ITGBL1: variants seen among roughly 807,000 people sequenced by gnomAD.
ITGBL1 encodes integrin beta-like protein 1.
ITGBL1 carries 51 observed loss-of-function variants against 68.5 expected under a neutral mutation model. The ratio of observed to expected loss-of-function variants is 0.74; its 90% CI spans 0.59 to 0.94. The LOEUF is 0.94. ITGBL1 is among the 40% of genes least tolerant of loss of function. The probability of loss-of-function intolerance (pLI) is 0.00; values close to 1 mark genes in which losing one functional copy is unlikely to be tolerated. For missense variants in ITGBL1, 649 were observed against 647.4 expected (o/e 1.00, Z -0.03); for synonymous variants, 209 against 227.3 (o/e 0.92, Z 0.72).
chr13:101,645,754 G>A (rs1220147550), intron 7 of ITGBL1, among the ~76,000 whole-genome samples: 2 of 152,148 alleles, frequency 1.3e-5, no homozygotes, highest in East Asian at 3.9e-4. Flanking sequence ...TTCATGCCCC[G>A]CAACTGCCTC....
chr13:101,471,104 C>T (rs1271803442), intron 2 of ITGBL1, among the ~76,000 whole-genome samples: 2 of 152,186 alleles, frequency 1.3e-5, no homozygotes, highest in African/African-American at 4.8e-5. Context: ...TGAATTATCA[C>T]ATGCATTATT....
At chr13:101,689,490 A>G (rs1169520618) in intron 7 of ITGBL1, among the ~76,000 whole-genome samples, 1 of 152,080 alleles carries the variant, frequency 6.6e-6, no homozygotes, top group African/African-American at 2.4e-5. Flanking sequence ...CTGTAGTCCC[A>G]ACTGCTCAGG....
At chr13:101,601,339 A>G (rs1450970484) in intron 7 of ITGBL1, among the ~76,000 whole-genome samples, 8 of 152,152 alleles carry the variant, frequency 5.3e-5, no homozygotes, top group African/African-American at 1.9e-4. Context: ...CTTCTTTATT[A>G]GTCTTGCTAC....
At chr13:101,692,264 T>A (rs1333472983) in intron 7 of ITGBL1, among the ~76,000 whole-genome samples, 1 of 152,178 alleles carries the variant, frequency 6.6e-6, no homozygotes, top group Non-Finnish European at 1.5e-5. Context: ...CAAGGAATCA[T>A]CAGGATAAGT....
intron 2 of ITGBL1, among the ~76,000 whole-genome samples, chr13:101,539,085 G>A (rs923450166): frequency 6.5e-5 from 9 of 139,212 alleles, no homozygotes; most frequent in African/African-American, 2.1e-4. Flanking sequence ...AAGTTTTAGG[G>A]TACATGTGCA....
intron 6 of ITGBL1, among the ~76,000 whole-genome samples, chr13:101,586,468 C>A (rs1008043313): frequency 3.9e-5 from 6 of 152,066 alleles, no homozygotes; most frequent in African/African-American, 1.4e-4. Context: ...TCTATTGGAC[C>A]CTTGCTGAGT....
chr13:101,696,659 G>T lies in ITGBL1; in HGVS notation c.1132+3958G>T, dbSNP rs577212691. ...CTACTTCCTCTATACCGCACCACCT[G>T]CATCGTAGTGTGATGAAGTTGTATT... On this transcript the variant is annotated intron_variant, in intron 8 of 10. Transcript: ENST00000376180. Among the ~76,000 whole-genome samples the T allele has an allele frequency of 2.0e-5, 3 of 152,182 alleles. No individual in the cohort carries two copies. The South Asian group carries it at 6.2e-4, about 32-fold the overall frequency.
intron 7 of ITGBL1, among the ~76,000 whole-genome samples, chr13:101,670,239 G>T (rs1032895086): frequency 5.9e-5 from 9 of 152,300 alleles, no homozygotes; most frequent in South Asian, 4.1e-4. Flanking sequence ...GATATGAAGT[G>T]CACTCATAAC....
chr13:101,538,874 T>A (rs929651676), intron 2 of ITGBL1, among the ~76,000 whole-genome samples: 1 of 152,028 alleles, frequency 6.6e-6, no homozygotes, highest in African/African-American at 2.4e-5. Context: ...TTATTTTACA[T>A]AGAAATTCTG....
intron 7 of ITGBL1, among the ~76,000 whole-genome samples, chr13:101,604,885 T>C (rs77612841): frequency 0.39 from 4,536 of 11,710 alleles, 502 homozygotes; most frequent in East Asian, 0.55. Context: ...TATATATATA[T>C]ATACACACAC....
intron 6 of ITGBL1, among the ~76,000 whole-genome samples, chr13:101,587,601 T>C (rs1044904704): frequency 6.6e-6 from 1 of 152,224 alleles, no homozygotes; most frequent in Admixed American, 6.5e-5. Context: ...AAAAATACGC[T>C]GCAATGTGAC....
intron 2 of ITGBL1, among the ~76,000 whole-genome samples, chr13:101,546,864 A>G (rs2049834058): frequency 6.6e-6 from 1 of 152,074 alleles, no homozygotes; most frequent in Non-Finnish European, 1.5e-5. Context: ...AACTGTTTTC[A>G]TATCTTACTG....
chr13:101,707,413 T>C (rs1434703405), intron 9 of ITGBL1, among the ~76,000 whole-genome samples: 1 of 152,150 alleles, frequency 6.6e-6, no homozygotes, highest in South Asian at 2.1e-4. Context: ...ATATTTAATT[T>C]AGTTTAATTT....
At chr13:101,638,463 C>T (rs1030814348) in intron 7 of ITGBL1, among the ~76,000 whole-genome samples, 8 of 151,962 alleles carry the variant, frequency 5.3e-5, no homozygotes, top group South Asian at 2.1e-4. Flanking sequence ...TGTATTAGCC[C>T]GTTTTCATGC....
At chr13:101,649,095 A>C (rs1402418699) in intron 7 of ITGBL1, among the ~76,000 whole-genome samples, 1 of 152,220 alleles carries the variant, frequency 6.6e-6, no homozygotes, top group Non-Finnish European at 1.5e-5. Context: ...ATGCATATGA[A>C]TCAAGAAATT....
intron 7 of ITGBL1, among the ~76,000 whole-genome samples, chr13:101,655,268 G>C (rs142062846): frequency 1.2e-4 from 18 of 152,300 alleles, no homozygotes; most frequent in African/African-American, 3.4e-4. Context: ...CAGAATGGAT[G>C]TTTTGTTTTA....
At chr13:101,602,247 A>G (rs2030429115) in intron 7 of ITGBL1, among the ~76,000 whole-genome samples, 1 of 152,074 alleles carries the variant, frequency 6.6e-6, no homozygotes, top group Non-Finnish European at 1.5e-5. Context: ...TTCATTGTAT[A>G]AACAAATAGC....
chr13:101,598,682 C>G (rs1316907610), intron 7 of ITGBL1, among the ~76,000 whole-genome samples: 4 of 152,004 alleles, frequency 2.6e-5, no homozygotes, highest in East Asian at 3.9e-4. Context: ...GAGAATATGC[C>G]GTGTTTGGTT....
At chr13:101,655,719 T>G (rs946328778) in intron 7 of ITGBL1, among the ~76,000 whole-genome samples, 1 of 152,250 alleles carries the variant, frequency 6.6e-6, no homozygotes, top group Admixed American at 6.5e-5. Flanking sequence ...ACAACTCTGA[T>G]GTGCTGTGTT....
Sources: gnomAD v4.1 joint callset for allele counts (sites outside exome capture counted in the v4.1 genomes callset) on GRCh38, gnomAD v4.1.1 for gene constraint, MANE v1.5 for transcripts, NCBI Gene and HGNC (gene_info 2026-07-23, HGNC 2026-07-21) for gene names.